Variants in NFKB2 observed in about 807,000 individuals in gnomAD.
The protein encoded by NFKB2 is nuclear factor kappa B subunit 2.
In NFKB2, 21 loss-of-function variants were observed where a neutral mutation model predicts 109.3. The ratio of observed to expected loss-of-function variants is 0.19; its 90% CI spans 0.14 to 0.28. The LOEUF is 0.28. NFKB2 is among the 10% of genes least tolerant of loss of function. The probability of loss-of-function intolerance (pLI) is 1.00; values close to 1 mark genes in which losing one functional copy is unlikely to be tolerated. For missense variants in NFKB2, 806 were observed against 1,185.3 expected (o/e 0.68, Z 4.70); for synonymous variants, 478 against 489.9 (o/e 0.98, Z 0.32).
chr10:102,402,126 G>T lies in NFKB2; in HGVS notation c.2545G>T (p.Gly849Cys). 1 of 1,579,404 alleles carries T rather than the reference G, an allele frequency of 6.3e-7. No individual in the cohort carries two copies. The highest frequency in any genetic ancestry group is 8.6e-7 in the Non-Finnish European group (1 of 1,162,218). Residue 849 changes from glycine (G) to cysteine (C), a missense_variant, in exon 22 of 23, where the codon GGT becomes TGT. Around this residue, in one of 10 missense-constraint regions of NFKB2, gnomAD observed 211 missense variants for 268.7 expected, o/e 0.79. Transcript: ENST00000661543. ...AGAGGAGGGAGTGAGGCTGCTGAGG[G>T]GTCCAGAAACCCGAGACAAGCTGCC... ...GLEEGVRLLR[G>C]PETRDKLPST...
In NFKB2 at chr10:102,399,630, C is replaced by G; in HGVS notation, c.1381C>G (p.Leu461Val). Residue 461 changes from leucine (L) to valine (V), a missense_variant, in exon 14 of 23, where the codon CTA (leucine) becomes GTA (valine). Coordinates refer to ENST00000661543, the MANE Select transcript of NFKB2 (RefSeq NM_001322934.2). ...CCTGGCGCAGCGCAGCGCCCGAGCC[C>G]TACTCGACTACGGCGTCACCGCGGA... is the stretch of plus-strand genomic sequence containing the variant. ...FGLAQRSARALLDYGVTADAR... is the reference protein window; with the variant it reads ...FGLAQRSARAVLDYGVTADAR... 6.5e-7 allele frequency: 1 copy of G among 1,543,848 alleles called. No homozygotes were observed. The highest frequency in any genetic ancestry group is 1.2e-5 in the South Asian group (1 of 83,660).
At position 102,398,915 on chromosome 10, in the gene NFKB2, G is replaced by C; in HGVS notation, c.1117+51G>C. On this transcript the variant is annotated intron_variant, in intron 12 of 22. Transcript: ENST00000661543. This position sits in a 1 kb window ranked among gnomAD's most constrained non-coding sequence, Gnocchi z 6.6. ...GGTAAAGGTAAGAGAAGCTGTGGAG[G>C]AAAAAAATCTGGGGGAGGCCGGGCG... 6.4e-7 allele frequency: 1 copy of C among 1,564,838 alleles called. No homozygotes were observed. Among genetic ancestry groups the C allele is most frequent in the Non-Finnish European group, 8.6e-7 (1 of 1,156,666 alleles).
In NFKB2 at chr10:102,397,014, G is replaced by A; in HGVS notation, c.354G>A (p.Gly118=). ...SLVGKQCSEL[G]ICAVSVGPKD... The stretch of plus-strand genomic sequence containing the variant: ...TGGGCAAGCAATGCTCGGAGCTGGG[G>A]ATCTGCGCCGTTTCTGTGGGGCCCA... Residue 118 remains glycine, a synonymous_variant, in exon 6 of 23, where the codon GGG becomes GGA. Coordinates refer to ENST00000661543, the MANE Select transcript of NFKB2 (RefSeq NM_001322934.2). This position sits in a 1 kb window ranked among gnomAD's most constrained non-coding sequence, Gnocchi z 4.7. The A allele has an allele frequency of 1.2e-6, 2 of 1,613,558 alleles. No individual in the cohort carries two copies. The highest frequency in any genetic ancestry group is 2.7e-5 in the African/African-American group (2 of 75,052).
chr10:102,398,814 T>G lies in NFKB2; in HGVS notation c.1067T>G (p.Met356Arg), dbSNP rs757746385. The part of the protein sequence containing the change: ...FSQPFGGGSH[M>R]GGGSGGAAGG... ...CAGCCCTTCGGGGGTGGCTCCCACA[T>G]GGGTGGAGGCTCTGGGGGTGCAGCC... Residue 356 changes from methionine to arginine, a missense_variant, in exon 12 of 23, where the codon ATG becomes AGG. Met to Arg is a moderately conservative substitution (Grantham distance 91). Around this residue, in one of 10 missense-constraint regions of NFKB2, gnomAD observed 209 missense variants for 211.9 expected, o/e 0.99. Transcript: ENST00000661543. This position sits in a 1 kb window ranked among gnomAD's most constrained non-coding sequence, Gnocchi z 6.6. The G allele has an allele frequency of 1.2e-6, 2 of 1,609,716 alleles. No homozygotes were observed. The highest frequency in any genetic ancestry group is 1.7e-5 in the Admixed American group (1 of 59,688).
Position 102,401,653 on chromosome 10 carries a change from C to T in NFKB2, c.2294-92C>T, listed in dbSNP as rs938547528. Reference sequence around the variant, plus strand: ...CATCACCCCTCATGGTCCTGTCTGTCGCTTACCTTGGGAGAAAGGCAGTGT... The same window carrying T: ...CATCACCCCTCATGGTCCTGTCTGTTGCTTACCTTGGGAGAAAGGCAGTGT... On this transcript the variant is annotated intron_variant, in intron 20 of 22. Coordinates refer to ENST00000661543, the MANE Select transcript of NFKB2 (RefSeq NM_001322934.2). This position sits in a 1 kb window ranked among gnomAD's most constrained non-coding sequence, Gnocchi z 4.2. 8.5e-6 allele frequency: 13 copies of T among 1,529,960 alleles called. No individual in the cohort carries two copies. The highest frequency in any genetic ancestry group is 5.5e-5 in the African/African-American group (4 of 72,994). The allele number at this position is 1,529,960 out of a possible 1,614,324, so 94.8% of individuals were successfully genotyped here.
rs1243439311 is a variant in NFKB2 at position 102,398,668 on chromosome 10, G to A, written c.992-71G>A. ...GTGCTTCCTAGGAGCCGGCCCTGAG[G>A]GCTCTTCTGGGAAGGGCCCCTGAGG... On this transcript the variant is annotated intron_variant, in intron 11 of 22. Transcript: ENST00000661543. The surrounding 1 kb of genome is among the most constrained non-coding windows in gnomAD (Gnocchi z 6.6). 4 of 1,611,646 alleles carry A rather than the reference G, an allele frequency of 2.5e-6. No homozygotes were observed. Among genetic ancestry groups the A allele is most frequent in the African/African-American group, 1.3e-5 (1 of 74,840 alleles).
chr10:102,401,974 G>T lies in NFKB2; in HGVS notation c.2466+57G>T. On this transcript the variant is annotated intron_variant, in intron 21 of 22. Coordinates refer to ENST00000661543, the MANE Select transcript of NFKB2 (RefSeq NM_001322934.2). The surrounding 1 kb of genome is among the most constrained non-coding windows in gnomAD (Gnocchi z 4.2). ...GCCTCCTTTCCCGATCTGAGTCCAG[G>T]TGCCTCCTTGGCCCCAGGGCTCCCG... 1 of 1,590,814 alleles carries T rather than the reference G, an allele frequency of 6.3e-7. No individual in the cohort carries two copies. Among genetic ancestry groups the T allele is most frequent in the Non-Finnish European group, 8.6e-7 (1 of 1,166,984 alleles).
In NFKB2 at chr10:102,399,674, G is replaced by A. The variant is rs999826127; in HGVS notation, c.1425G>A (p.Ala475=). 2 of 1,524,154 alleles carry A rather than the reference G, an allele frequency of 1.3e-6. No individual in the cohort carries two copies. The highest frequency in any genetic ancestry group is 1.2e-5 in the South Asian group (1 of 82,034). The allele number at this position is 1,524,154 out of a possible 1,614,324, so 94.4% of individuals were successfully genotyped here. Residue 475 remains alanine (A), a synonymous_variant, in exon 14 of 23, where the codon GCG becomes GCA. Coordinates refer to ENST00000661543, the MANE Select transcript of NFKB2 (RefSeq NM_001322934.2). ...GVTADARALL[A]GQRHLLTAQD... ...CCGCGGACGCGCGCGCGCTGCTGGCGGGACAGCGCCACCTGCTGACGGCGC... is the reference window on the plus strand; with the variant it reads ...CCGCGGACGCGCGCGCGCTGCTGGCAGGACAGCGCCACCTGCTGACGGCGC...
At chr10:102,399,756 G>C (rs1426920619) in intron 14 of NFKB2, 38 bp downstream of exon 14, 4 of 1,442,482 alleles carry the variant, frequency 2.8e-6, no homozygotes, top group Admixed American at 2.7e-5. Context: ...GGCGCGGGGT[G>C]GGGGCAGGAA....
In NFKB2 at chr10:102,400,933, G is replaced by A; in HGVS notation, c.1969-14G>A. 1 of 1,608,970 alleles carries A rather than the reference G, an allele frequency of 6.2e-7. No homozygotes were observed. Among genetic ancestry groups the A allele is most frequent in the Non-Finnish European group, 8.5e-7 (1 of 1,177,524 alleles). On this transcript the variant is annotated splice_polypyrimidine_tract_variant and intron_variant, in intron 17 of 22. Transcript: ENST00000661543. This position sits in a 1 kb window ranked among gnomAD's most constrained non-coding sequence, Gnocchi z 6.3. Reference sequence around the variant, plus strand: ...CCATGCTGTGGTGTCAACTCTCGCTGCTCGCACCCCCAGCTCCGGGCCAAC... The same window carrying A: ...CCATGCTGTGGTGTCAACTCTCGCTACTCGCACCCCCAGCTCCGGGCCAAC...
At position 102,402,320 on chromosome 10, in the gene NFKB2, C is replaced by T. The variant is rs1468314000; in HGVS notation, c.2647C>T (p.Pro883Ser). 3 of 1,568,122 alleles carry T rather than the reference C, an allele frequency of 1.9e-6. No individual in the cohort carries two copies. Among genetic ancestry groups the T allele is most frequent in the South Asian group, 2.3e-5 (2 of 85,202 alleles). The stretch of plus-strand genomic sequence containing the variant: ...GCAGGAGGCAGAGAAGCTGGGCCCA[C>T]CCCCTGAGCCACCAGGAGGGCTCTG... ...VEQEAEKLGP[P>S]PEPPGGLCHG... Residue 883 changes from proline to serine, a missense_variant, in exon 23 of 23, where the codon CCC (proline) becomes TCC (serine). Physicochemically the swap from Pro to Ser is moderately conservative, Grantham distance 74. Transcript: ENST00000661543.
At position 102,399,731 on chromosome 10, in the gene NFKB2, G is replaced by C. The variant is rs892036144; in HGVS notation, c.1469+13G>C. 1 of 1,453,576 alleles carries C rather than the reference G, an allele frequency of 6.9e-7. No individual in the cohort carries two copies. Among genetic ancestry groups the C allele is most frequent in the African/African-American group, 1.4e-5 (1 of 70,372 alleles). The allele number at this position is 1,453,576 out of a possible 1,614,324, so 90.0% of individuals were successfully genotyped here. ...AGAACGGAGACACGTAGGCAACAGA[G>C]GGCCTGGCGGACGAGGCGCGGGGTG... On this transcript the variant is annotated intron_variant, in intron 14 of 22. Transcript: ENST00000661543.
At chr10:102,402,005 A>G in intron 21 of NFKB2, 43 bp from the exon 22 acceptor site, 1 of 1,577,162 alleles carries the variant, frequency 6.3e-7, no homozygotes, top group African/African-American at 1.3e-5. Context: ...TCCCGAGCAC[A>G]TGCCCTAACC....
In NFKB2 at chr10:102,398,604, G is replaced by T. The variant is rs1016000944; in HGVS notation, c.991+81G>T. On this transcript the variant is annotated intron_variant, in intron 11 of 22. Coordinates refer to ENST00000661543, the MANE Select transcript of NFKB2 (RefSeq NM_001322934.2). The surrounding 1 kb of genome is among the most constrained non-coding windows in gnomAD (Gnocchi z 6.6). Reference sequence around the variant, plus strand: ...GAAGGTCCCAAGAGCTAGATGTGGGGATGCATGAGCCAAGTCAGAAGTGCG... The same window carrying T: ...GAAGGTCCCAAGAGCTAGATGTGGGTATGCATGAGCCAAGTCAGAAGTGCG... 1 of 1,609,848 alleles carries T rather than the reference G, an allele frequency of 6.2e-7. No homozygotes were observed. Among genetic ancestry groups the T allele is most frequent in the Non-Finnish European group, 8.5e-7 (1 of 1,177,922 alleles).
In NFKB2 at chr10:102,399,724, C is replaced by A; in HGVS notation, c.1469+6C>A. ...CAGGACGAGAACGGAGACACGTAGGCAACAGAGGGCCTGGCGGACGAGGCG... is the reference window on the plus strand; with the variant it reads ...CAGGACGAGAACGGAGACACGTAGGAAACAGAGGGCCTGGCGGACGAGGCG... On this transcript the variant is annotated splice_donor_region_variant and intron_variant, in intron 14 of 22. Transcript: ENST00000661543. 1 of 1,464,162 alleles carries A rather than the reference C, an allele frequency of 6.8e-7. No homozygotes were observed. The highest frequency in any genetic ancestry group is 2.5e-5 in the Admixed American group (1 of 39,596). 90.7% of individuals were successfully genotyped at this position (1,464,162 alleles called of 1,614,324 possible). A position where few individuals can be genotyped will look rare whatever the true frequency, so the allele number is the denominator to read the frequency against.
In NFKB2 at chr10:102,400,373, A is replaced by G. The variant is rs191242665; in HGVS notation, c.1680A>G (p.Gly560=). ...ACCCAGCTCTGCTGGATCGGCATGG[A>G]GACTCAGCCATGCATCTGGCGCTGC... ...GADPALLDRH[G]DSAMHLALRA... is the part of the protein sequence containing the mutation. Residue 560 remains glycine, a synonymous_variant, in exon 16 of 23, where the codon GGA becomes GGG. Coordinates refer to ENST00000661543, the MANE Select transcript of NFKB2 (RefSeq NM_001322934.2). This position sits in a 1 kb window ranked among gnomAD's most constrained non-coding sequence, Gnocchi z 6.3. 7 of 1,613,656 alleles carry G rather than the reference A, an allele frequency of 4.3e-6. No homozygotes were observed. In the East Asian group the frequency reaches 1.6e-4, roughly 36 times the overall value.
chr10:102,396,710 C>T lies in NFKB2; in HGVS notation c.145-15C>T, dbSNP rs529004645. The T allele has an allele frequency of 3.1e-6, 5 of 1,608,766 alleles. No individual in the cohort carries two copies. In the East Asian group the frequency reaches 8.9e-5, roughly 29 times the overall value. The stretch of plus-strand genomic sequence containing the variant: ...CTTCCCTGATCACAATGCTACTATG[C>T]CCTTGGACCTTCAGAGAGGCTTCCG... On this transcript the variant is annotated splice_polypyrimidine_tract_variant and intron_variant, in intron 4 of 22. Coordinates refer to ENST00000661543, the MANE Select transcript of NFKB2 (RefSeq NM_001322934.2). The surrounding 1 kb of genome is among the most constrained non-coding windows in gnomAD (Gnocchi z 5.9).
rs1554989956 is a variant in NFKB2 at position 102,398,138 on chromosome 10, C to A, written c.766+53C>A. ...AAGGACATCGAGTATAAGACTGGGG[C>A]CAGGGAAGCTCTAGGGTAAATGGCC... On this transcript the variant is annotated intron_variant, in intron 9 of 22. Transcript: ENST00000661543. The surrounding 1 kb of genome is among the most constrained non-coding windows in gnomAD (Gnocchi z 6.6). The A allele has an allele frequency of 1.2e-6, 2 of 1,611,964 alleles. No individual in the cohort carries two copies. Among genetic ancestry groups the A allele is most frequent in the Non-Finnish European group, 1.7e-6 (2 of 1,178,216 alleles).
Position 102,395,758 on chromosome 10 carries a change from G to A in NFKB2, c.-111G>A. 6 of 614,508 alleles carry A rather than the reference G, an allele frequency of 9.8e-6. No individual in the cohort carries two copies. The highest frequency in any genetic ancestry group is 2.7e-5 in the Admixed American group (1 of 37,032). 38.1% of individuals were successfully genotyped at this position (614,508 alleles called of 1,614,324 possible). On this transcript the variant is annotated 5_prime_UTR_variant, in exon 1 of 23. Transcript: ENST00000661543. ...CCAACTCCGGATCTCGCTCTCCACC[G>A]GATCTCACCCGCCACACCCGGACAG... is the stretch of plus-strand genomic sequence containing the variant.
Sources: gnomAD v4.1 joint callset for allele counts on GRCh38, gnomAD v4.1.1 for gene constraint, gnomAD v4.1.1 regional missense constraint, Gnocchi (gnomAD v3.1) non-coding constraint, MANE v1.5 for transcripts, NCBI Gene and HGNC (gene_info 2026-07-23, HGNC 2026-07-21) for gene names.